The following KIF26B variants were observed in gnomAD, a reference collection of about 807,000 sequenced individuals.
KIF26B encodes kinesin-like protein KIF26B.
KIF26B carries 63 observed loss-of-function variants against 151.2 expected under a neutral mutation model. The observed-to-expected ratio is 0.42, with a 90% CI of 0.34 to 0.51. The LOEUF is 0.51. Ranked by LOEUF, KIF26B falls within the 20% of genes least tolerant of loss-of-function variation. The probability of loss-of-function intolerance (pLI) is 0.07; values close to 1 mark genes in which losing one functional copy is unlikely to be tolerated. For synonymous variants in KIF26B, 1,357 were observed against 1,262.1 expected (o/e 1.08, Z -1.59); for missense variants, 2,813 against 2,913.6 (o/e 0.97, Z 0.79).
intron 2 of KIF26B, among the ~76,000 whole-genome samples, chr1:245,275,137 A>T (rs575928818): frequency 1.3e-5 from 2 of 152,236 alleles, no homozygotes; most frequent in African/African-American, 4.8e-5. Flanking sequence ...TCTTTTGAGA[A>T]GTGTCTGTTT....
At chr1:245,235,309 G>A (rs915592336) in intron 2 of KIF26B, among the ~76,000 whole-genome samples, 1 of 152,072 alleles carries the variant, frequency 6.6e-6, no homozygotes, top group African/African-American at 2.4e-5. Context: ...TAAGACATAC[G>A]GGTTGGGTGT....
chr1:245,159,299 A>G (rs1302360473), intron 2 of KIF26B, among the ~76,000 whole-genome samples: 1 of 152,248 alleles, frequency 6.6e-6, no homozygotes, highest in Non-Finnish European at 1.5e-5. Context: ...CTAGGTAGAT[A>G]TTTAAAAGTC....
intron 4 of KIF26B, among the ~76,000 whole-genome samples, chr1:245,464,432 C>T (rs553194802): frequency 7.6e-6 from 1 of 131,886 alleles, no homozygotes; most frequent in African/African-American, 2.9e-5. Context: ...TGGGTGTGTG[C>T]ATGTCTGGGT....
At chr1:245,529,709 G>T (rs1661317839) in intron 4 of KIF26B, among the ~76,000 whole-genome samples, 1 of 152,132 alleles carries the variant, frequency 6.6e-6, no homozygotes, top group African/African-American at 2.4e-5. Context: ...TTAAAAATTG[G>T]TTTATACTAT....
chr1:245,505,193 C>T (rs984810131), intron 4 of KIF26B, among the ~76,000 whole-genome samples: 1 of 151,738 alleles, frequency 6.6e-6, no homozygotes, highest in Non-Finnish European at 1.5e-5. Flanking sequence ...CTGCCTTGGC[C>T]TCCAAAAGTG....
In KIF26B at chr1:245,318,184, G is replaced by T. The variant is rs1386484962; in HGVS notation, c.466-48650G>T. 2.6e-5 allele frequency among the ~76,000 whole-genome samples: 4 copies of T among 152,146 alleles called. No homozygotes were observed. Reference sequence around the variant, plus strand: ...TAAGTATATTAGGTTTTAATTCTGGGTCAAATCAGCAAATGTTTATTAAGT... The same window carrying T: ...TAAGTATATTAGGTTTTAATTCTGGTTCAAATCAGCAAATGTTTATTAAGT... On this transcript the variant is annotated intron_variant, in intron 2 of 14. Transcript: ENST00000407071. This position sits in a 1 kb window ranked among gnomAD's most constrained non-coding sequence, Gnocchi z 4.0.
intron 10 of KIF26B, among the ~76,000 whole-genome samples, chr1:245,668,707 T>C (rs1267992402): frequency 6.6e-6 from 1 of 152,162 alleles, no homozygotes; most frequent in Non-Finnish European, 1.5e-5. Flanking sequence ...TTTTCTTTTT[T>C]TGAGACAGCG....
chr1:245,656,418 C>T (rs990177756), intron 10 of KIF26B, among the ~76,000 whole-genome samples: 2 of 152,218 alleles, frequency 1.3e-5, no homozygotes, highest in Admixed American at 6.5e-5. Context: ...GATGATCCAA[C>T]ACAAATCATG....
chr1:245,187,414 TG>T (rs560163834), intron 2 of KIF26B, among the ~76,000 whole-genome samples: 42 of 152,306 alleles, frequency 2.8e-4, no homozygotes, highest in African/African-American at 9.4e-4. Context: ...TTTATTCCAG[TG>T]ATGGATGCAT....
At chr1:245,261,323 G>A (rs1308270168) in intron 2 of KIF26B, among the ~76,000 whole-genome samples, 1 of 151,948 alleles carries the variant, frequency 6.6e-6, no homozygotes, top group Non-Finnish European at 1.5e-5. Context: ...TAGAGACAGG[G>A]TTTCTCCATG....
At chr1:245,265,027 G>A (rs548139552) in intron 2 of KIF26B, among the ~76,000 whole-genome samples, 76 of 151,092 alleles carry the variant, frequency 5.0e-4, no homozygotes, top group African/African-American at 1.7e-3. Flanking sequence ...GTGAAACCCC[G>A]TCTCTACTAA....
In KIF26B at chr1:245,559,502, T is replaced by C. The variant is rs556194488; in HGVS notation, c.1350+18552T>C. Among the ~76,000 whole-genome samples the C allele has an allele frequency of 1.1e-4, 16 of 152,170 alleles. No individual in the cohort carries two copies. The South Asian group carries it at 3.3e-3, about 32-fold the overall frequency. On this transcript the variant is annotated intron_variant, in intron 5 of 14. Transcript: ENST00000407071. ...ATCTCAGCTCACTGCAACCCCCACC[T>C]CCCGGGTTCAAGCGATTCTCCTGCC...
intron 4 of KIF26B, among the ~76,000 whole-genome samples, chr1:245,469,970 C>T (rs191206677): frequency 6.6e-6 from 1 of 150,862 alleles, no homozygotes; most frequent in East Asian, 2.0e-4. Context: ...TCAAAGAAAC[C>T]GGAGGTCACA....
chr1:245,628,721 A>G (rs768594687), intron 9 of KIF26B, among the ~76,000 whole-genome samples: 1 of 152,206 alleles, frequency 6.6e-6, no homozygotes, highest in African/African-American at 2.4e-5. Context: ...CAGCACTCCT[A>G]TTCAACATAG....
At chr1:245,221,134 T>A (rs887079909) in intron 2 of KIF26B, among the ~76,000 whole-genome samples, 1 of 152,006 alleles carries the variant, frequency 6.6e-6, no homozygotes, top group Non-Finnish European at 1.5e-5. Context: ...TTTTTTTTTC[T>A]CCCTCTCCAA....
chr1:245,569,787 G>T (rs2043046447), intron 5 of KIF26B, among the ~76,000 whole-genome samples: 1 of 150,898 alleles, frequency 6.6e-6, no homozygotes, highest in Admixed American at 6.6e-5. Flanking sequence ...GTGAGACCCT[G>T]TCTCAAACAA....
intron 10 of KIF26B, among the ~76,000 whole-genome samples, chr1:245,663,611 G>A (rs747485055): frequency 1.3e-5 from 2 of 152,138 alleles, no homozygotes; most frequent in Non-Finnish European, 2.9e-5. Context: ...CTGGGATAAA[G>A]ATAGTTTACT....
chr1:245,675,415 A>G (rs1188166216), intron 10 of KIF26B, among the ~76,000 whole-genome samples: 3 of 152,200 alleles, frequency 2.0e-5, no homozygotes, highest in African/African-American at 7.2e-5. Context: ...ACTATCAGGT[A>G]TGGCCCATCC....
chr1:245,419,928 T>C (rs1215041915), intron 4 of KIF26B, among the ~76,000 whole-genome samples, 183 bp downstream of exon 4: 1 of 152,182 alleles, frequency 6.6e-6, no homozygotes, highest in East Asian at 1.9e-4. Context: ...TGGTGGGGAC[T>C]GTCCTGTGTG....
Sources: gnomAD v4.1 joint callset for allele counts (sites outside exome capture counted in the v4.1 genomes callset) on GRCh38, gnomAD v4.1.1 for gene constraint, Gnocchi (gnomAD v3.1) non-coding constraint, MANE v1.5 for transcripts, NCBI Gene and HGNC (gene_info 2026-07-23, HGNC 2026-07-21) for gene names.